Variants in CYRIA observed in about 807,000 individuals in gnomAD.
CYRIA encodes CYFIP-related Rac1 interactor A.
CYRIA carries 15 observed loss-of-function variants against 43.9 expected under a neutral mutation model. The observed-to-expected ratio is 0.34, with a 90% CI of 0.23 to 0.53. CYRIA has a LOEUF of 0.53. CYRIA is among the 20% of genes least tolerant of loss of function. The probability of loss-of-function intolerance (pLI) is 0.94; values close to 1 mark genes in which losing one functional copy is unlikely to be tolerated. For synonymous variants in CYRIA, 117 were observed against 136.0 expected, an observed-to-expected ratio of 0.86 and a Z score of 0.97; for missense variants, 236 against 394.2, an observed-to-expected ratio of 0.60 and a Z score of 3.40.
intron 1 of CYRIA, among the ~76,000 whole-genome samples, chr2:16,635,838 C>G (rs768436556): frequency 6.6e-6 from 1 of 152,214 alleles, no homozygotes; most frequent in Non-Finnish European, 1.5e-5. Context: ...CAAAAACACA[C>G]AGCAGGCAAC....
chr2:16,655,539 C>T (rs1003263740), intron 1 of CYRIA, among the ~76,000 whole-genome samples: 2 of 152,146 alleles, frequency 1.3e-5, no homozygotes, highest in Admixed American at 6.5e-5. Context: ...CTCTTCTGTT[C>T]GTTCTCCCTC....
At chr2:16,565,034 T>C (rs1666877334) in intron 4 of CYRIA, among the ~76,000 whole-genome samples, 1 of 152,214 alleles carries the variant, frequency 6.6e-6, no homozygotes, top group African/African-American at 2.4e-5. Flanking sequence ...TTCCCTTAAA[T>C]GAAATAACAT....
chr2:16,652,361 C>T (rs76424713), intron 1 of CYRIA, among the ~76,000 whole-genome samples: 4,935 of 152,254 alleles, frequency 0.032, 112 homozygotes, highest in Middle Eastern at 0.075. Flanking sequence ...GCAGAGGATA[C>T]GAGGTGGGAG....
In CYRIA at chr2:16,552,771, T is replaced by G; in HGVS notation, c.*165A>C. 1.8e-6 allele frequency: 1 copy of G among 569,098 alleles called. No individual in the cohort carries two copies. The highest frequency in any genetic ancestry group is 3.1e-6 in the Non-Finnish European group (1 of 318,910). The allele number at this position is 569,098 out of a possible 1,614,324, so 35.3% of individuals were successfully genotyped here. A position where few individuals can be genotyped will look rare whatever the true frequency, so the allele number is the denominator to read the frequency against. On this transcript the variant is annotated 3_prime_UTR_variant, in exon 12 of 12. Transcript: ENST00000381323. ...AAGGCTCTCAAGTCAATTTATGCTC[T>G]GCTGGGTTGAGTCAGTCAGGATACA... is the stretch of plus-strand genomic sequence containing the variant.
chr2:16,602,021 T>A (rs1460745827), intron 2 of CYRIA, among the ~76,000 whole-genome samples: 3 of 152,248 alleles, frequency 2.0e-5, no homozygotes, highest in African/African-American at 7.2e-5. Context: ...CACAAGCTCC[T>A]AGGAGATTTC....
At chr2:16,555,241 C>T (rs1666464424) in intron 10 of CYRIA, 102 bp from the exon 11 acceptor site, 3 of 1,092,748 alleles carry the variant, frequency 2.7e-6, no homozygotes, top group Non-Finnish European at 4.0e-6. Flanking sequence ...TTATATCTTC[C>T]CATAGAAATC....
chr2:16,610,918 A>ATATATATATAT (rs1668573591), intron 2 of CYRIA, among the ~76,000 whole-genome samples: 2 of 63,034 alleles, frequency 3.2e-5, no homozygotes, highest in African/African-American at 1.9e-4. Context: ...ATATATATAT[A>ATATATATATAT]TATATATATA....
At chr2:16,577,406 A>G (rs1010309946) in intron 3 of CYRIA, among the ~76,000 whole-genome samples, 4 of 152,188 alleles carry the variant, frequency 2.6e-5, no homozygotes, top group African/African-American at 7.2e-5. Context: ...AAAATTCACA[A>G]AGAATATTGC....
At chr2:16,656,064 G>T (rs1008008291) in intron 1 of CYRIA, among the ~76,000 whole-genome samples, 32 of 152,122 alleles carry the variant, frequency 2.1e-4, no homozygotes, top group Non-Finnish European at 4.0e-4. Flanking sequence ...CTACACAAAG[G>T]CCAGGGCAGA....
chr2:16,632,144 T>A (rs1669345477), intron 1 of CYRIA, among the ~76,000 whole-genome samples: 1 of 152,188 alleles, frequency 6.6e-6, no homozygotes, highest in Non-Finnish European at 1.5e-5. Context: ...AAGCAGGAGA[T>A]CTGGGTTCCA....
chr2:16,637,868 ACAGC>A (rs1453204980), intron 1 of CYRIA, among the ~76,000 whole-genome samples: 8 of 152,310 alleles, frequency 5.3e-5, no homozygotes, highest in Middle Eastern at 3.4e-3. Flanking sequence ...CTGACATCAC[ACAGC>A]CAGTCAATGG....
At chr2:16,563,801 G>C (rs1666832114) in intron 5 of CYRIA, among the ~76,000 whole-genome samples, 188 bp downstream of exon 5, 1 of 152,072 alleles carries the variant, frequency 6.6e-6, no homozygotes, top group South Asian at 2.1e-4. Flanking sequence ...ATAACTTCAG[G>C]GGAAGAACTT....
intron 3 of CYRIA, among the ~76,000 whole-genome samples, chr2:16,576,599 C>T (rs948349814): frequency 6.6e-6 from 1 of 152,204 alleles, no homozygotes; most frequent in African/African-American, 2.4e-5. Context: ...CAGGTCGTGT[C>T]CCTGCTACAG....
intron 3 of CYRIA, among the ~76,000 whole-genome samples, chr2:16,582,349 T>C (rs1421713317): frequency 6.6e-6 from 1 of 152,216 alleles, no homozygotes; most frequent in Non-Finnish European, 1.5e-5. Context: ...TTTACAACTT[T>C]GTTGAGATTT....
chr2:16,646,591 C>T (rs1669826524), intron 1 of CYRIA, among the ~76,000 whole-genome samples: 1 of 152,190 alleles, frequency 6.6e-6, no homozygotes, highest in Admixed American at 6.5e-5. Context: ...TTTAATTGTA[C>T]TTACATTCAT....
chr2:16,629,298 C>T (rs1172034176), intron 1 of CYRIA, among the ~76,000 whole-genome samples: 1 of 152,206 alleles, frequency 6.6e-6, no homozygotes, highest in Non-Finnish European at 1.5e-5. Flanking sequence ...CTCCCTTTTC[C>T]CCTGACTGGG....
chr2:16,598,782 C>T (rs1668095759), intron 2 of CYRIA, among the ~76,000 whole-genome samples: 1 of 115,734 alleles, frequency 8.6e-6, no homozygotes, highest in Non-Finnish European at 1.7e-5. Flanking sequence ...TGAGGAACTG[C>T]GTTCCTTTGG....
At chr2:16,587,977 T>C (rs1264228873) in intron 3 of CYRIA, 73 bp downstream of exon 3, 2 of 925,790 alleles carry the variant, frequency 2.2e-6, no homozygotes, top group East Asian at 2.6e-5. Context: ...TAAATATTTA[T>C]GTTATAACTT....
At chr2:16,611,175 T>C (rs1212499046) in intron 2 of CYRIA, among the ~76,000 whole-genome samples, 1 of 148,906 alleles carries the variant, frequency 6.7e-6, no homozygotes, top group Non-Finnish European at 1.5e-5. Context: ...CTTCACAACA[T>C]GGTGAAACCC....
Sources: allele counts gnomAD v4.1 joint callset (sites outside exome capture counted in the v4.1 genomes callset), GRCh38; gene constraint gnomAD v4.1.1; transcripts MANE v1.5; gene names NCBI Gene and HGNC (gene_info 2026-07-23, HGNC 2026-07-21).